The following CNTN6 variants were observed in gnomAD, a reference collection of about 807,000 sequenced individuals.
CNTN6 encodes contactin-6.
CNTN6 carries 137 observed loss-of-function variants against 122.8 expected under a neutral mutation model. The ratio of observed to expected loss-of-function variants is 1.12; its 90% CI spans 0.97 to 1.29. The LOEUF (loss-of-function observed/expected upper bound fraction) is 1.29. Among genes scored for constraint, CNTN6 ranks in the 50% most tolerant of loss-of-function variants. The probability of loss-of-function intolerance (pLI) is 0.00; values close to 1 mark genes in which losing one functional copy is unlikely to be tolerated. For missense variants in CNTN6, 1,634 were observed against 1,223.4 expected (o/e 1.34, Z -5.01); for synonymous variants, 570 against 426.0 (o/e 1.34, Z -4.16).
At chr3:1,154,155 T>A (rs923042897) in intron 2 of CNTN6, among the ~76,000 whole-genome samples, 1 of 152,080 alleles carries the variant, frequency 6.6e-6, no homozygotes, top group Non-Finnish European at 1.5e-5. Context: ...TCTTAAACCT[T>A]AAATGAAATT....
At chr3:1,384,780 T>TACATATATACACACACAC (rs1559990213) in intron 19 of CNTN6, among the ~76,000 whole-genome samples, 7 of 130,436 alleles carry the variant, frequency 5.4e-5, no homozygotes, top group African/African-American at 2.2e-4. Context: ...CACATATATA[T>TACATATATACACACACAC]ATATATATAT....
rs1278436459 is a variant in CNTN6, at chr3:1,372,352, A to C, written c.1546A>C (p.Ser516Arg). Reference sequence around the variant, plus strand: ...CAAAATGGATGTTACAGTTGGCGAGAGTATAGTGCTACCATGCCAGGTGTC... The same window carrying C: ...CAAAATGGATGTTACAGTTGGCGAGCGTATAGTGCTACCATGCCAGGTGTC... Reference protein sequence around the residue: ...PSKMDVTVGESIVLPCQVSHD... With the variant: ...PSKMDVTVGERIVLPCQVSHD... Residue 516 changes from serine (S) to arginine (R), a missense_variant, in exon 13 of 23, where the codon AGT (serine) becomes CGT (arginine). Transcript: ENST00000446702. 2 of 1,612,738 alleles carry C rather than the reference A, an allele frequency of 1.2e-6. No individual in the cohort carries two copies. The highest frequency in any genetic ancestry group is 2.7e-5 in the African/African-American group (2 of 74,846).
intron 20 of CNTN6, among the ~76,000 whole-genome samples, chr3:1,399,338 G>A (rs1343524631): frequency 6.7e-6 from 1 of 149,262 alleles, no homozygotes; most frequent in African/African-American, 2.4e-5. Flanking sequence ...GTTGAGGAAG[G>A]ATAGTTACAA....
intron 6 of CNTN6, among the ~76,000 whole-genome samples, chr3:1,297,624 G>T (rs1696473662): frequency 7.0e-6 from 1 of 142,220 alleles, no homozygotes; most frequent in Non-Finnish European, 1.5e-5. Context: ...ACATCCCGTT[G>T]TTGTTGTTTT....
chr3:1,236,141 C>T (rs1392243665), intron 4 of CNTN6, among the ~76,000 whole-genome samples: 2 of 145,744 alleles, frequency 1.4e-5, no homozygotes, highest in East Asian at 3.9e-4. Flanking sequence ...GTCCTGGTAG[C>T]CAAAGACAAA....
intron 4 of CNTN6, among the ~76,000 whole-genome samples, chr3:1,259,063 T>G (rs539383022): frequency 6.6e-5 from 10 of 152,254 alleles, no homozygotes; most frequent in Non-Finnish European, 1.3e-4. Context: ...AGGATTTAGC[T>G]CATGGGTTGC....
rs199889706 is a variant in CNTN6 at position 1,395,559 on chromosome 3, TCTCA to T, written c.2705-5871_2705-5868del. On this transcript the variant is annotated intron_variant, in intron 20 of 22. Coordinates refer to ENST00000446702, the MANE Select transcript of CNTN6 (RefSeq NM_001289080.2). ...CTTCTGTCATCACAACTCCTCTAAC[TCTCA>T]CTTTCTTGCTTCCCTCTTTCCCTTG... is the stretch of plus-strand genomic sequence containing the variant. Among the ~76,000 whole-genome samples the T allele has an allele frequency of 3.9e-3, 592 of 152,196 alleles. 3 individuals are homozygous for T. Among genetic ancestry groups the T allele is most frequent in the African/African-American group, 0.013 (553 of 41,530 alleles).
At chr3:1,195,115 C>T (rs2093757784) in intron 2 of CNTN6, among the ~76,000 whole-genome samples, 1 of 152,170 alleles carries the variant, frequency 6.6e-6, no homozygotes, top group African/African-American at 2.4e-5. Flanking sequence ...TTCCAGACAA[C>T]TAAAGACAGC....
chr3:1,385,851 T>C (rs1019678666), intron 20 of CNTN6, 54 bp downstream of exon 20: 1 of 1,445,200 alleles, frequency 6.9e-7, no homozygotes, highest in South Asian at 1.4e-5. Context: ...AGCAACCTAT[T>C]CCTTTGCTTG....
rs577239310 is a variant in CNTN6, at chr3:1,140,996, G to A, written c.-82-6931G>A. Among the ~76,000 whole-genome samples the A allele has an allele frequency of 3.3e-5, 5 of 152,252 alleles. No individual in the cohort carries two copies. The East Asian group carries it at 9.7e-4, about 29-fold the overall frequency. On this transcript the variant is annotated intron_variant, in intron 1 of 22. Transcript: ENST00000446702. ...ATCTTGCTACTTGGCCTAACTTAAT[G>A]GTGGTGGGGTTTCCTAGTCTGTACT... is the stretch of plus-strand genomic sequence containing the variant.
intron 1 of CNTN6, among the ~76,000 whole-genome samples, chr3:1,133,298 C>G (rs1042493771): frequency 5.3e-5 from 8 of 152,028 alleles, no homozygotes; most frequent in Admixed American, 3.9e-4. Flanking sequence ...CTTCAAATAA[C>G]TTGATCTTTT....
chr3:1,325,481 AC>A (rs1348058638), intron 8 of CNTN6, among the ~76,000 whole-genome samples: 1 of 151,888 alleles, frequency 6.6e-6, no homozygotes, highest in Non-Finnish European at 1.5e-5. Flanking sequence ...ACATTTTCTA[AC>A]TTGACCTATG....
intron 4 of CNTN6, 110 bp downstream of exon 4, chr3:1,228,103 G>A (rs2094308415): frequency 2.1e-6 from 2 of 970,482 alleles, no homozygotes; most frequent in Non-Finnish European, 3.1e-6. Flanking sequence ...GAATGAATAT[G>A]ACTTTATGGG....
chr3:1,108,132 A>C (rs2091312065), intron 1 of CNTN6, among the ~76,000 whole-genome samples: 1 of 152,072 alleles, frequency 6.6e-6, no homozygotes, highest in African/African-American at 2.4e-5. Context: ...AAAATTCCTT[A>C]GAGAATAAAT....
rs1340368132 is a variant in CNTN6, at chr3:1,383,052, A to T, written c.2277A>T (p.Ser759=). The T allele has an allele frequency of 1.9e-6, 3 of 1,613,998 alleles. No individual in the cohort carries two copies. The highest frequency in any genetic ancestry group is 2.5e-6 in the Non-Finnish European group (3 of 1,179,906). ...SKEKVSSVES[S]RFVYRNESII... Reference sequence around the variant, plus strand: ...AGAAAGTGTCATCTGTGGAATCATCAAGGTTTGTCTACAGAAATGAAAGCA... The same window carrying T: ...AGAAAGTGTCATCTGTGGAATCATCTAGGTTTGTCTACAGAAATGAAAGCA... The change falls in exon 18 of 23, where the codon TCA becomes TCT. Residue 759 remains serine, a synonymous_variant. Coordinates refer to ENST00000446702, the MANE Select transcript of CNTN6 (RefSeq NM_001289080.2).
chr3:1,221,215 A>T (rs1324154909), intron 3 of CNTN6, among the ~76,000 whole-genome samples: 1 of 152,112 alleles, frequency 6.6e-6, no homozygotes, highest in Non-Finnish European at 1.5e-5. Context: ...TAACACAGGA[A>T]GCCAGGAAGA....
chr3:1,242,190 T>C (rs60566673), intron 4 of CNTN6, among the ~76,000 whole-genome samples: 3,337 of 151,896 alleles, frequency 0.022, 105 homozygotes, highest in African/African-American at 0.077. Context: ...CAGTACAGCC[T>C]TGGTAATTTG....
At chr3:1,102,359 C>G (rs145813666) in intron 1 of CNTN6, among the ~76,000 whole-genome samples, 238 of 152,270 alleles carry the variant, frequency 1.6e-3, no homozygotes, top group African/African-American at 5.5e-3. Flanking sequence ...CTCCCAATCA[C>G]TAAAGCACAG....
At chr3:1,185,617 T>C (rs1210155082) in intron 2 of CNTN6, among the ~76,000 whole-genome samples, 2 of 152,174 alleles carry the variant, frequency 1.3e-5, no homozygotes, top group Admixed American at 6.6e-5. Context: ...AGATAGTGCA[T>C]GTAATGTACT....
Sources: gnomAD v4.1 joint callset for allele counts (sites outside exome capture counted in the v4.1 genomes callset) on GRCh38, gnomAD v4.1.1 for gene constraint, MANE v1.5 for transcripts, NCBI Gene and HGNC (gene_info 2026-07-23, HGNC 2026-07-21) for gene names.